FHOD3: variants seen among roughly 807,000 people sequenced by gnomAD.
The protein encoded by FHOD3 is FH1/FH2 domain-containing protein 3.
A neutral mutation model predicts 173.0 loss-of-function variants in FHOD3; 90 were observed. The observed-to-expected ratio is 0.52, with a 90% CI of 0.44 to 0.62. The LOEUF (loss-of-function observed/expected upper bound fraction) is 0.62. FHOD3 is among the 20% of genes least tolerant of loss of function. The pLI is 0.00. For synonymous variants in FHOD3, 828 were observed against 823.0 expected (o/e 1.01, Z -0.10); for missense variants, 1,945 against 2,034.7 (o/e 0.96, Z 0.85).
chr18:36,382,621 G>T (rs944917500), intron 3 of FHOD3, among the ~76,000 whole-genome samples: 3 of 152,186 alleles, frequency 2.0e-5, no homozygotes, highest in Admixed American at 1.3e-4. Flanking sequence ...TACCCTCAAG[G>T]CCTGTCTACT....
chr18:36,739,505 A>G (rs1204820058), intron 20 of FHOD3, among the ~76,000 whole-genome samples: 1 of 152,222 alleles, frequency 6.6e-6, no homozygotes, highest in Non-Finnish European at 1.5e-5. Flanking sequence ...ACAAAAAATT[A>G]TACTGGTATT....
In FHOD3 at chr18:36,693,218, C is replaced by T. The variant is rs777575225; in HGVS notation, c.2031C>T (p.Tyr677=). Residue 677 remains tyrosine (Y), a synonymous_variant, in exon 17 of 29, where the codon TAC becomes TAT. Transcript: ENST00000590592. Reference sequence around the variant, plus strand: ...GGAATTTAACTTTCAGATACAAATACTTGGAACAGTTGGCAGCTGAGGAGC... The same window carrying T: ...GGAATTTAACTTTCAGATACAAATATTTGGAACAGTTGGCAGCTGAGGAGC... ...QRQAREERYK[Y]LEQLAAEEHE... 4 of 1,613,088 alleles carry T rather than the reference C, an allele frequency of 2.5e-6. No homozygotes were observed. The highest frequency in any genetic ancestry group is 3.4e-6 in the Non-Finnish European group (4 of 1,179,608).
At chr18:36,515,320 C>T (rs537786232) in intron 5 of FHOD3, among the ~76,000 whole-genome samples, 98 of 152,278 alleles carry the variant, frequency 6.4e-4, no homozygotes, top group Non-Finnish European at 1.0e-3. Context: ...CAGGTTCACG[C>T]CATTATCCTG....
intron 17 of FHOD3, among the ~76,000 whole-genome samples, chr18:36,708,352 G>C (rs1400102129): frequency 6.6e-6 from 1 of 152,208 alleles, no homozygotes; most frequent in Non-Finnish European, 1.5e-5. Context: ...CACATTAGCT[G>C]TTTTTCATCA....
intron 5 of FHOD3, among the ~76,000 whole-genome samples, chr18:36,522,015 A>C (rs1444506653): frequency 6.6e-6 from 1 of 152,072 alleles, no homozygotes; most frequent in Non-Finnish European, 1.5e-5. Flanking sequence ...TCTCCAGGAG[A>C]TCTTCCCTGG....
At chr18:36,350,785 A>C (rs1246944648) in intron 1 of FHOD3, among the ~76,000 whole-genome samples, 1 of 152,226 alleles carries the variant, frequency 6.6e-6, no homozygotes, top group Non-Finnish European at 1.5e-5. Context: ...ATTTGAATTA[A>C]TCACCACTCA....
chr18:36,404,260 G>A (rs2048957476), intron 3 of FHOD3, among the ~76,000 whole-genome samples: 1 of 152,156 alleles, frequency 6.6e-6, no homozygotes, highest in Non-Finnish European at 1.5e-5. Context: ...TTGCCTGCTT[G>A]GGGTGTTGGT....
intron 14 of FHOD3, among the ~76,000 whole-genome samples, chr18:36,658,513 A>G (rs2036570856): frequency 6.6e-6 from 1 of 152,208 alleles, no homozygotes; most frequent in Non-Finnish European, 1.5e-5. Context: ...TAAGCTCTGC[A>G]ATTTGTTATA....
chr18:36,416,381 G>A (rs1033298273), intron 3 of FHOD3, among the ~76,000 whole-genome samples: 9 of 152,266 alleles, frequency 5.9e-5, no homozygotes, highest in Middle Eastern at 3.4e-3. Context: ...ATGAACAGGT[G>A]GCTTGAACGT....
intron 3 of FHOD3, among the ~76,000 whole-genome samples, chr18:36,399,383 C>T (rs769357544): frequency 2.6e-5 from 4 of 152,206 alleles, no homozygotes; most frequent in East Asian, 3.8e-4. Flanking sequence ...CACTTGAGTA[C>T]GACTAGACAT....
At chr18:36,477,122 G>A (rs978611660) in intron 3 of FHOD3, among the ~76,000 whole-genome samples, 1 of 152,106 alleles carries the variant, frequency 6.6e-6, no homozygotes, top group South Asian at 2.1e-4. Context: ...GAGATAAGGA[G>A]GAGGACAGGG....
intron 3 of FHOD3, among the ~76,000 whole-genome samples, chr18:36,441,313 G>C (rs2051134930): frequency 6.6e-6 from 1 of 152,182 alleles, no homozygotes; most frequent in Non-Finnish European, 1.5e-5. Flanking sequence ...ATTCAGAAGG[G>C]TGGGCATGAA....
At chr18:36,384,060 T>A (rs1172771747) in intron 3 of FHOD3, among the ~76,000 whole-genome samples, 2 of 152,182 alleles carry the variant, frequency 1.3e-5, no homozygotes, top group Admixed American at 6.5e-5. Context: ...CTGCTCTGAC[T>A]TCAGTGTCCT....
At chr18:36,309,662 T>C (rs139896244) in intron 1 of FHOD3, among the ~76,000 whole-genome samples, 1 of 152,304 alleles carries the variant, frequency 6.6e-6, no homozygotes, top group African/African-American at 2.4e-5. Context: ...TTATCCAGTC[T>C]TCCTGCTGCT....
intron 3 of FHOD3, among the ~76,000 whole-genome samples, chr18:36,464,542 A>C (rs570397920): frequency 4.6e-5 from 7 of 152,224 alleles, no homozygotes; most frequent in Non-Finnish European, 7.3e-5. Context: ...AACTTGGGTC[A>C]AGAAGATAAA....
At position 36,297,756 on chromosome 18, in the gene FHOD3, C is replaced by G; in HGVS notation, c.-80C>G. 1 of 1,257,108 alleles carries G rather than the reference C, an allele frequency of 8.0e-7. No homozygotes were observed. Among genetic ancestry groups the G allele is most frequent in the Non-Finnish European group, 1.0e-6 (1 of 963,350 alleles). 77.9% of individuals were successfully genotyped at this position (1,257,108 alleles called of 1,614,324 possible). On this transcript the variant is annotated 5_prime_UTR_variant, in exon 1 of 29. Coordinates refer to ENST00000590592, the MANE Select transcript of FHOD3 (RefSeq NM_001281740.3). ...GCCAGCGAGCTGCGGCTGCGGCCTC[C>G]CCTGCGCGCAGCTACCCGGGCGTCC... is the stretch of plus-strand genomic sequence containing the variant.
At chr18:36,546,717 C>T (rs1206965450) in intron 5 of FHOD3, among the ~76,000 whole-genome samples, 3 of 152,146 alleles carry the variant, frequency 2.0e-5, no homozygotes, top group African/African-American at 4.8e-5. Context: ...TTTTGGTTCA[C>T]GTTCTGGCAT....
At chr18:36,636,720 G>C (rs2034914835) in intron 10 of FHOD3, among the ~76,000 whole-genome samples, 1 of 149,666 alleles carries the variant, frequency 6.7e-6, no homozygotes, top group Non-Finnish European at 1.5e-5. Flanking sequence ...AAACTGACTA[G>C]AGATGAGCCC....
chr18:36,315,981 G>A (rs1598678007), intron 1 of FHOD3, among the ~76,000 whole-genome samples: 1 of 152,196 alleles, frequency 6.6e-6, no homozygotes, highest in South Asian at 2.1e-4. Context: ...AGACAGCCAT[G>A]AGTAAGAGCA....
Sources: gnomAD v4.1 joint callset for allele counts (sites outside exome capture counted in the v4.1 genomes callset) on GRCh38, gnomAD v4.1.1 for gene constraint, MANE v1.5 for transcripts, NCBI Gene and HGNC (gene_info 2026-07-23, HGNC 2026-07-21) for gene names.